LRBA: variants seen among roughly 807,000 people sequenced by gnomAD.
LRBA encodes LPS responsive beige-like anchor protein, also known as lipopolysaccharide-responsive and beige-like anchor protein.
In LRBA, 176 loss-of-function variants were observed where a neutral mutation model predicts 330.0. That is an observed-to-expected ratio of 0.53 (90% CI 0.47 to 0.60). The LOEUF (loss-of-function observed/expected upper bound fraction) is 0.60. Among genes scored for constraint, LRBA ranks in the 20% least tolerant of loss-of-function variants. The pLI is 0.00. For missense variants in LRBA, 3,259 were observed against 3,444.8 expected (o/e 0.95, Z 1.35); for synonymous variants, 1,230 against 1,193.0 (o/e 1.03, Z -0.64).
chr4:150,686,201 G>A (rs1783614894), intron 36 of LRBA, among the ~76,000 whole-genome samples: 2 of 152,202 alleles, frequency 1.3e-5, no homozygotes, highest in South Asian at 4.1e-4. Context: ...CCTCTGTGAG[G>A]GTACTTGAGA....
At chr4:150,679,361 A>G (rs1782850690) in intron 37 of LRBA, among the ~76,000 whole-genome samples, 2 of 152,236 alleles carry the variant, frequency 1.3e-5, no homozygotes, top group African/African-American at 2.4e-5. Context: ...TAGTAATGCT[A>G]ATATTGATAG....
rs141073011 is a variant in LRBA, at chr4:150,532,023, T to A, written c.6331-40988A>T. Among the ~76,000 whole-genome samples, 17 of 152,324 alleles carry A rather than the reference T, an allele frequency of 1.1e-4. 1 individual carries two copies. The East Asian group carries it at 3.3e-3, about 29-fold the overall frequency. ...GCTGCAACTGTTAATTTTCAACAGT[T>A]TAGTGAAAACTGAAGAATAAAGCCC... On this transcript the variant is annotated intron_variant, in intron 40 of 56. Transcript: ENST00000651943.
intron 43 of LRBA, among the ~76,000 whole-genome samples, chr4:150,468,498 A>G (rs1755716631): frequency 6.6e-6 from 1 of 152,052 alleles, no homozygotes; most frequent in Admixed American, 6.6e-5. Flanking sequence ...TAGTCCTTCT[A>G]CATATGTACA....
chr4:150,722,705 A>C (rs1681722831), intron 36 of LRBA, among the ~76,000 whole-genome samples: 2 of 151,948 alleles, frequency 1.3e-5, no homozygotes, highest in Admixed American at 1.3e-4. Flanking sequence ...CCAAATTTTA[A>C]CAACTATCTG....
intron 2 of LRBA, among the ~76,000 whole-genome samples, chr4:150,992,851 T>C (rs573845448): frequency 6.6e-6 from 1 of 152,342 alleles, no homozygotes; most frequent in South Asian, 2.1e-4. Context: ...GCATGCCTTC[T>C]CTAACTAAAA....
chr4:151,010,217 C>T (rs971732731), intron 2 of LRBA, among the ~76,000 whole-genome samples: 3 of 152,026 alleles, frequency 2.0e-5, no homozygotes, highest in Non-Finnish European at 4.4e-5. Context: ...GTATTTGTCA[C>T]CAGCTCATGG....
At chr4:150,672,845 T>C (rs1382548927) in intron 37 of LRBA, among the ~76,000 whole-genome samples, 1 of 152,166 alleles carries the variant, frequency 6.6e-6, no homozygotes, top group Non-Finnish European at 1.5e-5. Flanking sequence ...TGGCACATAA[T>C]AGGTGTCCAG....
intron 15 of LRBA, 90 bp from the exon 16 acceptor site, chr4:150,896,546 C>G: frequency 1.5e-6 from 1 of 670,894 alleles, no homozygotes; most frequent in Non-Finnish European, 2.6e-6. Flanking sequence ...AGTTGGTCAG[C>G]TACTATAAAT....
intron 56 of LRBA, among the ~76,000 whole-genome samples, chr4:150,270,352 C>T (rs973075998): frequency 6.6e-6 from 1 of 152,142 alleles, no homozygotes; most frequent in African/African-American, 2.4e-5. Context: ...AAACAGAACA[C>T]AGAATATTCA....
At chr4:150,934,901 G>A (rs1437559097) in intron 2 of LRBA, among the ~76,000 whole-genome samples, 5 of 151,942 alleles carry the variant, frequency 3.3e-5, no homozygotes, top group South Asian at 2.1e-4. Context: ...CCAGCTACTC[G>A]GGAAGCTGAG....
At chr4:150,968,774 C>A (rs1739193370) in intron 2 of LRBA, among the ~76,000 whole-genome samples, 1 of 152,176 alleles carries the variant, frequency 6.6e-6, no homozygotes, top group African/African-American at 2.4e-5. Context: ...GTAGACAAAA[C>A]AGCCTTCTAT....
intron 17 of LRBA, among the ~76,000 whole-genome samples, chr4:150,882,571 A>C (rs1301095775): frequency 6.6e-6 from 1 of 152,180 alleles, no homozygotes; most frequent in Non-Finnish European, 1.5e-5. Flanking sequence ...CTATTTGACT[A>C]TGCTTACATG....
chr4:150,795,694 T>A (rs995095533), intron 34 of LRBA, among the ~76,000 whole-genome samples: 1 of 151,962 alleles, frequency 6.6e-6, no homozygotes, highest in South Asian at 2.1e-4. Context: ...TATAGCCTAA[T>A]CAACTATTGG....
At chr4:150,408,812 C>T (rs1271856840) in intron 47 of LRBA, among the ~76,000 whole-genome samples, 1 of 152,040 alleles carries the variant, frequency 6.6e-6, no homozygotes, top group Non-Finnish European at 1.5e-5. Context: ...AAATCTTTCC[C>T]TATTCCAATA....
rs145458055 is a variant in LRBA at position 150,683,715 on chromosome 4, T to A, written c.5757A>T (p.Ser1919=). ...EDIHRHAEFE[S]LCAQYSADKR... ...TGTCTGCAGAATACTGGGCACACAG[T>A]GACTTGGAGAGAAAAAAAAATAATA... Residue 1919 remains serine, a splice_region_variant and synonymous_variant, in exon 37 of 57, where the codon TCA becomes TCT. Transcript: ENST00000651943. 3 of 1,582,922 alleles carry A rather than the reference T, an allele frequency of 1.9e-6. No individual in the cohort carries two copies. Among genetic ancestry groups the A allele is most frequent in the Non-Finnish European group, 2.6e-6 (3 of 1,163,538 alleles).
chr4:150,633,110 C>A (rs1777551132), intron 37 of LRBA, among the ~76,000 whole-genome samples: 1 of 152,172 alleles, frequency 6.6e-6, no homozygotes, highest in African/African-American at 2.4e-5. Context: ...CAGTTAAGAA[C>A]ATGAAATCAA....
chr4:150,525,399 T>C (rs1442867490), intron 40 of LRBA, among the ~76,000 whole-genome samples: 1 of 152,164 alleles, frequency 6.6e-6, no homozygotes, highest in Non-Finnish European at 1.5e-5. Context: ...AAGTTCAATC[T>C]ATAATACCTA....
At chr4:150,350,382 C>A (rs1206713634) in intron 47 of LRBA, among the ~76,000 whole-genome samples, 6 of 152,048 alleles carry the variant, frequency 3.9e-5, no homozygotes, top group African/African-American at 1.4e-4. Flanking sequence ...CCAGCTTGGC[C>A]AACATGGCGA....
In LRBA at chr4:150,753,771, T is replaced by C. The variant is rs72738346; in HGVS notation, c.5645+8012A>G. The stretch of plus-strand genomic sequence containing the variant: ...TTACATAAATCAGAACAAAGCAAGC[T>C]TAAAAAGTAGCCACAGACCAGTGTG... On this transcript the variant is annotated intron_variant, in intron 35 of 56. Coordinates refer to ENST00000651943, the MANE Select transcript of LRBA (RefSeq NM_001364905.1). 1.6e-3 allele frequency among the ~76,000 whole-genome samples: 242 copies of C among 152,068 alleles called. 1 individual carries two copies. The highest frequency in any genetic ancestry group is 3.5e-3 in the Admixed American group (54 of 15,242).
Sources: allele counts gnomAD v4.1 joint callset (sites outside exome capture counted in the v4.1 genomes callset), GRCh38; gene constraint gnomAD v4.1.1; transcripts MANE v1.5; gene names NCBI Gene and HGNC (gene_info 2026-07-23, HGNC 2026-07-21).